Variants in ZFAND3 observed in about 807,000 individuals in gnomAD.
ZFAND3 encodes the protein zinc finger AN1-type containing 3.
Under a neutral mutation model 29.6 loss-of-function variants are expected in ZFAND3, and 10 were observed. The ratio of observed to expected loss-of-function variants is 0.34; its 90% confidence interval spans 0.21 to 0.57. The LOEUF is 0.57. Ranked by LOEUF, ZFAND3 falls within the 20% of genes least tolerant of loss-of-function variation. The probability of loss-of-function intolerance (pLI) is 0.86; values close to 1 mark genes in which losing one functional copy is unlikely to be tolerated. For synonymous variants in ZFAND3, 128 were observed against 112.6 expected (o/e 1.14, Z -0.87); for missense variants, 230 against 304.5 (o/e 0.76, Z 1.82).
At chr6:38,013,515 A>G (rs1763197757) in intron 2 of ZFAND3, among the ~76,000 whole-genome samples, 1 of 152,212 alleles carries the variant, frequency 6.6e-6, no homozygotes, top group Admixed American at 6.5e-5. Flanking sequence ...CCCCAGAACA[A>G]CACATAGAAA....
At chr6:38,117,275 T>C (rs1765438770) in intron 5 of ZFAND3, among the ~76,000 whole-genome samples, 1 of 149,696 alleles carries the variant, frequency 6.7e-6, no homozygotes, top group East Asian at 1.9e-4. Context: ...TTTTTTTTTT[T>C]TTTCCTGGGC....
At chr6:38,002,434 T>C (rs1420929405) in intron 2 of ZFAND3, among the ~76,000 whole-genome samples, 1 of 152,080 alleles carries the variant, frequency 6.6e-6, no homozygotes, top group East Asian at 1.9e-4. Flanking sequence ...ATCACAGCGC[T>C]TTGAGAGGCT....
chr6:38,085,040 C>G (rs1229168496), intron 4 of ZFAND3, among the ~76,000 whole-genome samples: 1 of 152,180 alleles, frequency 6.6e-6, no homozygotes, highest in Non-Finnish European at 1.5e-5. Context: ...CTGTCTTTGT[C>G]TCCATCTTTC....
intron 5 of ZFAND3, among the ~76,000 whole-genome samples, chr6:38,144,309 A>G (rs1208838902): frequency 6.6e-6 from 1 of 151,044 alleles, no homozygotes; most frequent in Non-Finnish European, 1.5e-5. Context: ...TGAAATAGAC[A>G]CTTTAGATGC....
intron 3 of ZFAND3, among the ~76,000 whole-genome samples, chr6:38,079,828 C>A (rs1346741453): frequency 6.6e-6 from 1 of 152,042 alleles, no homozygotes; most frequent in Non-Finnish European, 1.5e-5. Context: ...CCTATGTCCA[C>A]CCCAATCTCT....
chr6:37,968,351 A>G lies in ZFAND3; in HGVS notation c.112+38352A>G, dbSNP rs532375176. Among the ~76,000 whole-genome samples the G allele has an allele frequency of 1.3e-4, 20 of 151,376 alleles. 1 individual carries two copies. Among genetic ancestry groups the G allele is most frequent in the African/African-American group, 4.8e-4 (20 of 41,306 alleles). On this transcript the variant is annotated intron_variant, in intron 2 of 5. Coordinates refer to ENST00000287218, the MANE Select transcript of ZFAND3 (RefSeq NM_021943.3). ...CCTAACCATTGATAGGATATTATGCATTTAGTAAGCCAAACAAGATAGAGA... is the reference window on the plus strand; with the variant it reads ...CCTAACCATTGATAGGATATTATGCGTTTAGTAAGCCAAACAAGATAGAGA...
chr6:38,120,121 T>G (rs376086529), intron 5 of ZFAND3, among the ~76,000 whole-genome samples: 1 of 152,152 alleles, frequency 6.6e-6, no homozygotes, highest in African/African-American at 2.4e-5. Context: ...TGCCTGAAAA[T>G]GGATCTATTT....
chr6:38,154,543 CATT>C lies in ZFAND3; in HGVS notation c.*2155_*2157del. On this transcript the variant is annotated 3_prime_UTR_variant, in exon 6 of 6. Coordinates refer to ENST00000287218, the MANE Select transcript of ZFAND3 (RefSeq NM_021943.3). The stretch of plus-strand genomic sequence containing the variant: ...GCCTAGAGCTCAGTTTTAGTTTTAA[CATT>C]GTGAAAATATTAAAAGAATCTTGTA... 2.1e-6 allele frequency: 2 copies of C among 975,318 alleles called. No homozygotes were observed. The highest frequency in any genetic ancestry group is 2.4e-6 in the Non-Finnish European group (2 of 820,394). The allele number at this position is 975,318 out of a possible 1,614,324, so 60.4% of individuals were successfully genotyped here.
intron 5 of ZFAND3, among the ~76,000 whole-genome samples, chr6:38,139,971 G>A (rs967976646): frequency 1.1e-4 from 17 of 152,200 alleles, no homozygotes; most frequent in Non-Finnish European, 5.9e-5. Flanking sequence ...TTTGGAAATC[G>A]TATCCACAAG....
intron 2 of ZFAND3, among the ~76,000 whole-genome samples, chr6:38,043,639 G>T (rs1055397197): frequency 2.7e-5 from 4 of 147,226 alleles, no homozygotes; most frequent in African/African-American, 7.6e-5. Context: ...TTTCAACATG[G>T]TCTTGCTCTG....
chr6:38,046,779 T>G, intron 2 of ZFAND3, among the ~76,000 whole-genome samples: 1 of 152,366 alleles, frequency 6.6e-6, no homozygotes. Context: ...ACAAGGATTT[T>G]AGTTGCTTGG....
intron 5 of ZFAND3, among the ~76,000 whole-genome samples, chr6:38,118,585 A>G (rs1243474527): frequency 4.0e-5 from 6 of 150,350 alleles, no homozygotes; most frequent in Non-Finnish European, 3.0e-5. Context: ...CAATTGGTCT[A>G]TCAAGTATGC....
chr6:38,074,725 A>C (rs1290763047), intron 3 of ZFAND3, among the ~76,000 whole-genome samples: 1 of 152,246 alleles, frequency 6.6e-6, no homozygotes, highest in Non-Finnish European at 1.5e-5. Flanking sequence ...TTCTATTGGA[A>C]GAAGATGCCA....
At chr6:38,126,707 G>A (rs1230406593) in intron 5 of ZFAND3, among the ~76,000 whole-genome samples, 1 of 152,044 alleles carries the variant, frequency 6.6e-6, no homozygotes, top group Non-Finnish European at 1.5e-5. Context: ...CTTTTATGAA[G>A]AGTCTGTTCA....
intron 1 of ZFAND3, among the ~76,000 whole-genome samples, chr6:37,863,043 C>T (rs1185178596): frequency 6.6e-6 from 1 of 152,112 alleles, no homozygotes; most frequent in East Asian, 1.9e-4. Flanking sequence ...GTAATGGCAA[C>T]ACTATTGCTG....
chr6:37,905,872 T>G (rs1420864343), intron 1 of ZFAND3, among the ~76,000 whole-genome samples: 1 of 152,140 alleles, frequency 6.6e-6, no homozygotes, highest in African/African-American at 2.4e-5. Flanking sequence ...TACATCTTGT[T>G]TGTAGCAGTG....
At chr6:38,147,840 T>G (rs971406166) in intron 5 of ZFAND3, among the ~76,000 whole-genome samples, 1 of 152,196 alleles carries the variant, frequency 6.6e-6, no homozygotes, top group Non-Finnish European at 1.5e-5. Context: ...GTTAAGTACC[T>G]TATGTACTCT....
chr6:37,938,647 G>A (rs964760429), intron 2 of ZFAND3, among the ~76,000 whole-genome samples: 12 of 152,264 alleles, frequency 7.9e-5, no homozygotes, highest in South Asian at 6.2e-4. Context: ...CTGGACTGTG[G>A]CAGCCTTTTC....
At chr6:38,109,736 A>C (rs1017045663) in intron 4 of ZFAND3, among the ~76,000 whole-genome samples, 7 of 152,138 alleles carry the variant, frequency 4.6e-5, no homozygotes, top group African/African-American at 1.7e-4. Flanking sequence ...CCTGAAGGGC[A>C]TATGATAATT....
Sources: gnomAD v4.1 joint callset for allele counts (sites outside exome capture counted in the v4.1 genomes callset) on GRCh38, gnomAD v4.1.1 for gene constraint, MANE v1.5 for transcripts, NCBI Gene and HGNC (gene_info 2026-07-23, HGNC 2026-07-21) for gene names.